RIN3: variants seen among roughly 807,000 people sequenced by gnomAD.
RIN3 encodes the protein RAB5 interacting protein 3.
In RIN3, 54 loss-of-function variants were observed where a neutral mutation model predicts 76.3. That is an observed-to-expected ratio of 0.71 (90% CI 0.57 to 0.89). RIN3 has a LOEUF of 0.89. Ranked by LOEUF, RIN3 falls within the 40% of genes least tolerant of loss-of-function variation. The pLI is 0.00. For missense variants in RIN3, 1,256 were observed against 1,322.1 expected (o/e 0.95, Z 0.78); for synonymous variants, 576 against 564.0 (o/e 1.02, Z -0.30).
intron 4 of RIN3, among the ~76,000 whole-genome samples, chr14:92,633,193 C>T (rs1037078533): frequency 6.6e-6 from 1 of 152,200 alleles, no homozygotes; most frequent in Admixed American, 6.5e-5. Flanking sequence ...CCATCCTTGA[C>T]GACAGGAAGA....
Position 92,615,469 on chromosome 14 carries a change from T to G in RIN3, c.430T>G (p.Cys144Gly). ...CATCTTCAGATTGATTGCGTTCTAC[T>G]GTGTCAGTAGGTGAGTAGACCCGGC... ...EDIFRLIAFY[C>G]VSRDLLPFTL... is the part of the protein sequence containing the mutation. The change falls in exon 4 of 10, where the codon TGT becomes GGT. Residue 144 changes from cysteine to glycine, a missense_variant. This residue lies in a region of RIN3 where 610 missense variants were observed against 626.4 expected (regional missense o/e 0.97). Transcript: ENST00000216487. 6.2e-7 allele frequency: 1 copy of G among 1,614,084 alleles called. No individual in the cohort carries two copies.
chr14:92,639,228 A>C (rs1595474784), intron 4 of RIN3, among the ~76,000 whole-genome samples: 1 of 152,248 alleles, frequency 6.6e-6, no homozygotes. Flanking sequence ...CAGCAAAGCC[A>C]TGAAGACCCC....
chr14:92,561,835 A>G (rs1389863959), intron 2 of RIN3, among the ~76,000 whole-genome samples: 1 of 152,084 alleles, frequency 6.6e-6, no homozygotes, highest in East Asian at 1.9e-4. Context: ...GGCACACACT[A>G]CCATGCCCAG....
rs1288889629 is a variant in RIN3, at chr14:92,681,626, T to C, written c.2468-3361T>C. Among the ~76,000 whole-genome samples, 2 of 152,170 alleles carry C rather than the reference T, an allele frequency of 1.3e-5. No homozygotes were observed. The highest frequency in any genetic ancestry group is 2.9e-5 in the Non-Finnish European group (2 of 68,024). On this transcript the variant is annotated intron_variant, in intron 8 of 9. Transcript: ENST00000216487. The surrounding 1 kb of genome is among the most constrained non-coding windows in gnomAD (Gnocchi z 4.7). ...AACTGAAGGTTTGCAGTCAGCACACTGCACTCACCTCTTCCATTCCCAGCC... is the reference window on the plus strand; with the variant it reads ...AACTGAAGGTTTGCAGTCAGCACACCGCACTCACCTCTTCCATTCCCAGCC...
In RIN3 at chr14:92,676,292, G is replaced by A. The variant is rs2273924; in HGVS notation, c.2336-183G>A. 0.31 allele frequency among the ~76,000 whole-genome samples: 46,286 copies of A among 151,560 alleles called. 7,560 individuals carry two copies. The highest frequency in any genetic ancestry group is 0.36 in the Non-Finnish European group (24,148 of 67,832). Reference sequence around the variant, plus strand: ...TCTTCCTAAACTTGGACTGTTTCTCGGGCCTCCTGAGGAGGCTGCTCCCTG... The same window carrying A: ...TCTTCCTAAACTTGGACTGTTTCTCAGGCCTCCTGAGGAGGCTGCTCCCTG... On this transcript the variant is annotated intron_variant, in intron 7 of 9. Coordinates refer to ENST00000216487, the MANE Select transcript of RIN3 (RefSeq NM_024832.5).
chr14:92,634,087 T>G (rs993223622), intron 4 of RIN3, among the ~76,000 whole-genome samples: 3 of 128,974 alleles, frequency 2.3e-5, no homozygotes, highest in Admixed American at 2.2e-4. Context: ...TTTTTTTTTT[T>G]TTTTGAGATG....
At position 92,646,865 on chromosome 14, in the gene RIN3, C is replaced by T. The variant is rs556992007; in HGVS notation, c.533-4717C>T. Among the ~76,000 whole-genome samples the T allele has an allele frequency of 1.9e-3, 289 of 152,296 alleles. 2 individuals carry two copies. The highest frequency in any genetic ancestry group is 2.7e-3 in the Admixed American group (42 of 15,298). On this transcript the variant is annotated intron_variant, in intron 5 of 9. Coordinates refer to ENST00000216487, the MANE Select transcript of RIN3 (RefSeq NM_024832.5). ...GTTTCTTTTCCTTAATACACCTAGACGCAACTGAAAATACAGTTTTGGTTT... is the reference window on the plus strand; with the variant it reads ...GTTTCTTTTCCTTAATACACCTAGATGCAACTGAAAATACAGTTTTGGTTT...
chr14:92,619,547 C>T (rs1886098260), intron 4 of RIN3, among the ~76,000 whole-genome samples: 1 of 149,276 alleles, frequency 6.7e-6, no homozygotes, highest in Non-Finnish European at 1.5e-5. Flanking sequence ...TCACACCATT[C>T]TCCTGCCTCA....
intron 3 of RIN3, among the ~76,000 whole-genome samples, chr14:92,613,514 A>C (rs1885826440): frequency 6.6e-6 from 1 of 152,228 alleles, no homozygotes; most frequent in Non-Finnish European, 1.5e-5. Context: ...ATGCAGAAAG[A>C]AGGCAAATAT....
intron 4 of RIN3, among the ~76,000 whole-genome samples, chr14:92,626,300 C>A (rs1045935809): frequency 6.6e-6 from 1 of 152,218 alleles, no homozygotes; most frequent in Admixed American, 6.5e-5. Flanking sequence ...CCCTGTGAAT[C>A]ATCCCCCTTT....
At chr14:92,631,541 C>G (rs776733463) in intron 4 of RIN3, among the ~76,000 whole-genome samples, 1 of 152,162 alleles carries the variant, frequency 6.6e-6, no homozygotes, top group Admixed American at 6.5e-5. Context: ...ACTACAGACT[C>G]CTCCCAGGAG....
At chr14:92,604,283 C>T (rs1250312693) in intron 3 of RIN3, among the ~76,000 whole-genome samples, 1 of 152,212 alleles carries the variant, frequency 6.6e-6, no homozygotes, top group East Asian at 1.9e-4. Context: ...GTCACTTTGA[C>T]TTTTTATCCT....
intron 2 of RIN3, among the ~76,000 whole-genome samples, chr14:92,562,191 G>A (rs1180621771): frequency 6.6e-6 from 1 of 152,214 alleles, no homozygotes; most frequent in Non-Finnish European, 1.5e-5. Context: ...ACTGGGGTTA[G>A]GGGTTTGGGG....
intron 1 of RIN3, among the ~76,000 whole-genome samples, chr14:92,539,202 C>A (rs186793819): frequency 6.6e-6 from 1 of 152,224 alleles, no homozygotes; most frequent in Admixed American, 6.5e-5. Context: ...ATGTCAGCTG[C>A]TCTTTCATAT....
At chr14:92,617,643 C>A (rs28799589) in intron 4 of RIN3, among the ~76,000 whole-genome samples, 28 of 152,174 alleles carry the variant, frequency 1.8e-4, no homozygotes, top group African/African-American at 6.5e-4. Context: ...TTGGAGTATG[C>A]TCCTTACCCA....
chr14:92,682,830 G>A (rs970736115), intron 8 of RIN3, among the ~76,000 whole-genome samples: 3 of 152,154 alleles, frequency 2.0e-5, no homozygotes, highest in Admixed American at 1.3e-4. Flanking sequence ...AGGGGCAGAC[G>A]CGATTTGAGT....
At chr14:92,631,688 C>T (rs1886590458) in intron 4 of RIN3, among the ~76,000 whole-genome samples, 1 of 152,078 alleles carries the variant, frequency 6.6e-6, no homozygotes, top group Non-Finnish European at 1.5e-5. Flanking sequence ...GCATCCTCCA[C>T]CTCCCGAGTT....
rs114793537 is a variant in RIN3, at chr14:92,514,799, G to A, written c.44+823G>A. On this transcript the variant is annotated intron_variant, in intron 1 of 9. Transcript: ENST00000216487. The surrounding 1 kb of genome is among the most constrained non-coding windows in gnomAD (Gnocchi z 7.2). ...TCTCGCCTTGCCCAGCTCAGAGGGC[G>A]TCCTGAGAAGCTTCAGGTGTTGTAG... 2.5e-3 allele frequency among the ~76,000 whole-genome samples: 383 copies of A among 152,314 alleles called. 1 individual carries two copies. Among genetic ancestry groups the A allele is most frequent in the African/African-American group, 8.9e-3 (371 of 41,570 alleles).
At chr14:92,560,467 G>T (rs1394519615) in intron 2 of RIN3, among the ~76,000 whole-genome samples, 1 of 152,156 alleles carries the variant, frequency 6.6e-6, no homozygotes, top group Non-Finnish European at 1.5e-5. Flanking sequence ...CTGTTACGAA[G>T]ATTGGCAGCT....
Sources: allele counts gnomAD v4.1 joint callset (sites outside exome capture counted in the v4.1 genomes callset), GRCh38; gene constraint gnomAD v4.1.1; regional missense constraint gnomAD v4.1.1; non-coding constraint Gnocchi (gnomAD v3.1); transcripts MANE v1.5; gene names NCBI Gene and HGNC (gene_info 2026-07-23, HGNC 2026-07-21).